The following MAF variants were observed in gnomAD, a reference collection of about 807,000 sequenced individuals.
The protein encoded by MAF is transcription factor Maf.
Under a neutral mutation model 22.0 loss-of-function variants are expected in MAF, and 10 were observed. That is an observed-to-expected ratio of 0.45 (90% CI 0.28 to 0.77). The LOEUF (loss-of-function observed/expected upper bound fraction) is 0.77. MAF is among the 30% of genes least tolerant of loss of function. The pLI is 0.12. For synonymous variants in MAF, 337 were observed against 255.8 expected, an observed-to-expected ratio of 1.32 and a Z score of -3.03; for missense variants, 544 against 548.4, an observed-to-expected ratio of 0.99 and a Z score of 0.08.
chr16:79,268,835 T>C, the MAF span, among the ~76,000 whole-genome samples: 1 of 152,208 alleles, frequency 6.6e-6, no homozygotes, highest in African/African-American at 2.4e-5. Flanking sequence ...CATTGTCAGA[T>C]GCTTGTCTGC....
At chr16:79,371,573 T>C in the MAF span, among the ~76,000 whole-genome samples, 3 of 152,158 alleles carry the variant, frequency 2.0e-5, no homozygotes, top group Non-Finnish European at 4.4e-5. Context: ...TCCTGCTCCA[T>C]ACACACACCA....
chr16:79,473,722 A>G, the MAF span, among the ~76,000 whole-genome samples: 3 of 152,322 alleles, frequency 2.0e-5, no homozygotes, highest in South Asian at 6.2e-4. Context: ...GCCCAGACAG[A>G]CAATAAAAAT....
the MAF span, among the ~76,000 whole-genome samples, chr16:79,396,610 G>T: frequency 1.3e-5 from 2 of 152,324 alleles, no homozygotes; most frequent in East Asian, 3.9e-4. Context: ...TGAGGCTCAA[G>T]TCCCTCATCT....
At chr16:79,481,854 G>A in the MAF span, among the ~76,000 whole-genome samples, 24 of 152,308 alleles carry the variant, frequency 1.6e-4, no homozygotes, top group East Asian at 4.3e-3. Context: ...TCTGGGTAGG[G>A]GAGACAGTCA....
chr16:79,209,604 G>C, the MAF span, among the ~76,000 whole-genome samples: 1 of 152,130 alleles, frequency 6.6e-6, no homozygotes, highest in Admixed American at 6.6e-5. Flanking sequence ...GGTCGTTTTG[G>C]CAGCTGCAAG....
the MAF span, among the ~76,000 whole-genome samples, chr16:79,282,075 G>T: frequency 4.6e-5 from 7 of 152,134 alleles, 1 homozygote; most frequent in South Asian, 6.2e-4. Context: ...GGCCGAGGCT[G>T]TTGGATCACG....
chr16:79,371,456 C>G, the MAF span, among the ~76,000 whole-genome samples: 4 of 152,164 alleles, frequency 2.6e-5, no homozygotes, highest in Non-Finnish European at 5.9e-5. Context: ...CACACTACCA[C>G]TCTCAGAAAT....
At chr16:79,283,368 T>C in the MAF span, among the ~76,000 whole-genome samples, 1 of 152,246 alleles carries the variant, frequency 6.6e-6, no homozygotes, top group Non-Finnish European at 1.5e-5. Flanking sequence ...GGCTAGAATT[T>C]GCAATATATT....
the MAF span, among the ~76,000 whole-genome samples, chr16:79,537,441 T>A: frequency 6.6e-6 from 1 of 150,512 alleles, no homozygotes; most frequent in South Asian, 2.1e-4. Context: ...GCAATGCCCA[T>A]TTTACAGCTG....
the MAF span, among the ~76,000 whole-genome samples, chr16:79,391,896 G>C: frequency 2.7e-5 from 2 of 74,762 alleles, no homozygotes; most frequent in Admixed American, 1.2e-4. Context: ...GGAGGAGGAG[G>C]AGCAGGAGGA....
chr16:79,484,008 G>A, the MAF span, among the ~76,000 whole-genome samples: 1 of 152,156 alleles, frequency 6.6e-6, no homozygotes, highest in Non-Finnish European at 1.5e-5. Flanking sequence ...TAGATGGAGT[G>A]AGGGCAAGGG....
At chr16:79,339,593 A>G in the MAF span, among the ~76,000 whole-genome samples, 1 of 152,196 alleles carries the variant, frequency 6.6e-6, no homozygotes. Flanking sequence ...TGTTTTTTAT[A>G]TAGCCAGGAC....
At chr16:79,261,947 G>A in the MAF span, among the ~76,000 whole-genome samples, 2 of 152,188 alleles carry the variant, frequency 1.3e-5, no homozygotes, top group Non-Finnish European at 2.9e-5. Flanking sequence ...CTCTTAAGTT[G>A]CTCATATGGA....
chr16:79,433,190 T>C, the MAF span, among the ~76,000 whole-genome samples: 2 of 151,746 alleles, frequency 1.3e-5, no homozygotes, highest in African/African-American at 4.8e-5. Context: ...AGGGTGACTG[T>C]CATTATTTAT....
the MAF span, among the ~76,000 whole-genome samples, chr16:79,291,169 T>C: frequency 6.6e-6 from 1 of 152,166 alleles, no homozygotes; most frequent in Non-Finnish European, 1.5e-5. Context: ...CGTCTGCTGG[T>C]CTGCTTCAAG....
the MAF span, among the ~76,000 whole-genome samples, chr16:79,541,427 G>C: frequency 6.6e-6 from 1 of 151,946 alleles, no homozygotes; most frequent in African/African-American, 2.4e-5. Flanking sequence ...GCCTGCGTCA[G>C]TCCCTGGCAG....
chr16:79,288,071 A>G, the MAF span, among the ~76,000 whole-genome samples: 1 of 152,166 alleles, frequency 6.6e-6, no homozygotes, highest in African/African-American at 2.4e-5. Context: ...TTTTATCAGA[A>G]AACAGAGAGG....
chr16:79,429,503 G>C, the MAF span, among the ~76,000 whole-genome samples: 4 of 152,172 alleles, frequency 2.6e-5, no homozygotes, highest in African/African-American at 7.2e-5. Context: ...CTTTTAATTA[G>C]GACTGCAGTC....
chr16:79,288,459 C>T, the MAF span, among the ~76,000 whole-genome samples: 2 of 152,118 alleles, frequency 1.3e-5, no homozygotes, highest in Admixed American at 6.5e-5. Context: ...GCCTATTCAG[C>T]CCCCAGCCCT....
Sources: allele counts gnomAD v4.1 joint callset (sites outside exome capture counted in the v4.1 genomes callset), GRCh38; gene constraint gnomAD v4.1.1; transcripts MANE v1.5; gene names NCBI Gene and HGNC (gene_info 2026-07-23, HGNC 2026-07-21).